The following MYCBP2 variants were observed in gnomAD, a reference collection of about 807,000 sequenced individuals.
MYCBP2 encodes the protein E3 ubiquitin-protein ligase MYCBP2.
In MYCBP2, 120 loss-of-function variants were observed where a neutral mutation model predicts 525.3. The ratio of observed to expected loss-of-function variants is 0.23; its 90% confidence interval spans 0.20 to 0.27. MYCBP2 has a LOEUF of 0.27. MYCBP2 is among the 10% of genes least tolerant of loss of function. The probability of loss-of-function intolerance (pLI) is 1.00; values close to 1 mark genes in which losing one functional copy is unlikely to be tolerated. For missense variants in MYCBP2, 4,149 were observed against 5,657.1 expected, an observed-to-expected ratio of 0.73 and a Z score of 8.55; for synonymous variants, 1,894 against 1,955.8, an observed-to-expected ratio of 0.97 and a Z score of 0.83.
At chr13:77,171,443 A>C in intron 38 of MYCBP2, 49 bp downstream of exon 38, 1 of 1,561,442 alleles carries the variant, frequency 6.4e-7, no homozygotes, top group Non-Finnish European at 8.7e-7. Context: ...GCAAAAATTT[A>C]GTGAATAAAG....
chr13:77,259,667 G>A (rs1351509712), intron 13 of MYCBP2, among the ~76,000 whole-genome samples: 1 of 152,134 alleles, frequency 6.6e-6, no homozygotes, highest in Admixed American at 6.5e-5. Flanking sequence ...TTCTACAGGT[G>A]TAATTTCCCC....
intron 22 of MYCBP2, 42 bp downstream of exon 22, chr13:77,211,914 G>A (rs767089787): frequency 3.4e-6 from 5 of 1,469,608 alleles, no homozygotes; most frequent in Non-Finnish European, 4.8e-6. Flanking sequence ...TATCAATCAA[G>A]ACAAGAGTTT....
intron 28 of MYCBP2, 33 bp from the exon 29 acceptor site, chr13:77,190,368 C>T (rs187250102): frequency 8.0e-7 from 1 of 1,251,190 alleles, no homozygotes; most frequent in East Asian, 2.3e-5. Flanking sequence ...CCAAAAACAA[C>T]ATGATCATTA....
rs1020382744 is a variant in MYCBP2 at position 77,273,782 on chromosome 13, A to G, written c.749-114T>C. On this transcript the variant is annotated intron_variant, in intron 4 of 82. Transcript: ENST00000544440. ...AAACGAAATTTAAGGAATCTAGAAC[A>G]ATTACTTTGCTTTAGTTTCTTTCTA... 5.2e-6 allele frequency: 4 copies of G among 768,152 alleles called. No individual in the cohort carries two copies. The African/African-American group carries it at 7.3e-5, about 14-fold the overall frequency. The allele number at this position is 768,152 out of a possible 1,614,324, so 47.6% of individuals were successfully genotyped here.
chr13:77,256,245 A>G (rs1005125438), intron 14 of MYCBP2, among the ~76,000 whole-genome samples: 2 of 152,104 alleles, frequency 1.3e-5, no homozygotes, highest in African/African-American at 4.8e-5. Context: ...AATATACGCC[A>G]GAAAGATTGC....
intron 26 of MYCBP2, 58 bp from the exon 27 acceptor site, chr13:77,194,302 A>AC: frequency 3.9e-6 from 5 of 1,275,584 alleles, no homozygotes; most frequent in African/African-American, 1.5e-5. Flanking sequence ...TCTGATGAAC[A>AC]ATGTGTTCAT....
At chr13:77,225,684 G>T in intron 18 of MYCBP2, 130 bp from the exon 19 acceptor site, 2 of 1,146,282 alleles carry the variant, frequency 1.7e-6, no homozygotes, top group South Asian at 1.7e-5. Flanking sequence ...ATCTGTAGCT[G>T]TTAGAAGTGA....
intron 52 of MYCBP2, among the ~76,000 whole-genome samples, chr13:77,131,517 A>AACAC (rs55921143): frequency 0.044 from 6,373 of 146,488 alleles, 285 homozygotes; most frequent in East Asian, 0.19. Flanking sequence ...CACACAAACA[A>AACAC]ACACACACAC....
intron 47 of MYCBP2, among the ~76,000 whole-genome samples, chr13:77,148,461 A>G (rs1463941563): frequency 1.3e-5 from 2 of 152,138 alleles, no homozygotes; most frequent in East Asian, 1.9e-4. Flanking sequence ...TTTTACCTCA[A>G]TAACTATTCT....
At chr13:77,211,603 A>G (rs956841236) in intron 22 of MYCBP2, among the ~76,000 whole-genome samples, 1 of 152,148 alleles carries the variant, frequency 6.6e-6, no homozygotes, top group African/African-American at 2.4e-5. Context: ...GTGAAATTTC[A>G]AAGTTGGATT....
At position 77,211,150 on chromosome 13, in the gene MYCBP2, T is replaced by G; in HGVS notation, c.3416+17A>C. 7.1e-7 allele frequency: 1 copy of G among 1,415,242 alleles called. No homozygotes were observed. The highest frequency in any genetic ancestry group is 9.3e-7 in the Non-Finnish European group (1 of 1,078,508). The allele number at this position is 1,415,242 out of a possible 1,614,324, so 87.7% of individuals were successfully genotyped here. On this transcript the variant is annotated intron_variant, in intron 23 of 82. Coordinates refer to ENST00000544440, the MANE Select transcript of MYCBP2 (RefSeq NM_015057.5). ...GCATCAAAACTTATTGACTATTTTA[T>G]AAACTGAGATGCTTACCTCCAAATT...
intron 43 of MYCBP2, among the ~76,000 whole-genome samples, 193 bp downstream of exon 43, chr13:77,164,261 G>A (rs769883615): frequency 2.6e-5 from 4 of 152,108 alleles, no homozygotes; most frequent in Non-Finnish European, 5.9e-5. Flanking sequence ...ATGTGCGTGT[G>A]TAAATTAAAA....
chr13:77,156,114 T>C lies in MYCBP2; in HGVS notation c.6859A>G (p.Ile2287Val), dbSNP rs1735032582. The C allele has an allele frequency of 3.1e-6, 5 of 1,614,088 alleles. No homozygotes were observed. Among genetic ancestry groups the C allele is most frequent in the East Asian group, 2.2e-5 (1 of 44,868 alleles). The change falls in exon 46 of 83, where the codon ATA (isoleucine) becomes GTA (valine). Residue 2287 changes from isoleucine (I) to valine (V), a missense_variant. By Grantham distance (29) the Ile-to-Val change is conservative (BLOSUM62 3). Around this residue, in one of 21 missense-constraint regions of MYCBP2, gnomAD observed 692 missense variants for 852.7 expected, o/e 0.81. Coordinates refer to ENST00000544440, the MANE Select transcript of MYCBP2 (RefSeq NM_015057.5). ...DDIRCGWPTT[I>V]TVQTKDQYGD... is the part of the protein sequence containing the mutation. ...TACTGGTCTTTTGTTTGAACAGTTA[T>C]GGTGGTAGGCCAACCACAACGAATA...
At chr13:77,070,222 TA>T (rs2040939062) in intron 69 of MYCBP2, among the ~76,000 whole-genome samples, 1 of 152,152 alleles carries the variant, frequency 6.6e-6, no homozygotes, top group Non-Finnish European at 1.5e-5. Flanking sequence ...CATTCCTCTC[TA>T]AAAAATGGCA....
At chr13:77,226,172 G>T (rs958917686) in intron 18 of MYCBP2, among the ~76,000 whole-genome samples, 1 of 152,040 alleles carries the variant, frequency 6.6e-6, no homozygotes, top group Admixed American at 6.6e-5. Context: ...TTGCTTTGTG[G>T]TTTTCTCCCT....
chr13:77,101,772 T>C (rs1323847141), intron 55 of MYCBP2, among the ~76,000 whole-genome samples: 1 of 152,020 alleles, frequency 6.6e-6, no homozygotes, highest in African/African-American at 2.4e-5. Flanking sequence ...AAAAAAACTA[T>C]GCTTGTTAAG....
Position 77,074,903 on chromosome 13 carries a change from G to C in MYCBP2, c.11823+1848C>G, listed in dbSNP as rs2042021034. On this transcript the variant is annotated intron_variant, in intron 68 of 82. Coordinates refer to ENST00000544440, the MANE Select transcript of MYCBP2 (RefSeq NM_015057.5). ...GGAACATGAGAGAAATTTGGGGAGTGATGTGTTTTAAAACTTGGTTGTGGG... is the reference window on the plus strand; with the variant it reads ...GGAACATGAGAGAAATTTGGGGAGTCATGTGTTTTAAAACTTGGTTGTGGG... Among the ~76,000 whole-genome samples the C allele has an allele frequency of 2.0e-5, 3 of 152,168 alleles. No homozygotes were observed. In the South Asian group the frequency reaches 6.2e-4, roughly 32 times the overall value.
At chr13:77,311,087 C>T (rs2080142839) in intron 1 of MYCBP2, among the ~76,000 whole-genome samples, 1 of 152,208 alleles carries the variant, frequency 6.6e-6, no homozygotes. Context: ...TTTCTCCTTT[C>T]ACTAACAGCT....
At chr13:77,066,117 C>T in intron 71 of MYCBP2, 29 bp from the exon 72 acceptor site, 2 of 1,466,290 alleles carry the variant, frequency 1.4e-6, no homozygotes, top group Non-Finnish European at 1.9e-6. Context: ...CTTAAAAAGC[C>T]AATAAATTAT....
Sources: gnomAD v4.1 joint callset for allele counts (sites outside exome capture counted in the v4.1 genomes callset) on GRCh38, gnomAD v4.1.1 for gene constraint, gnomAD v4.1.1 regional missense constraint, MANE v1.5 for transcripts, NCBI Gene and HGNC (gene_info 2026-07-23, HGNC 2026-07-21) for gene names.